Variants in SCN10A observed in about 807,000 individuals in gnomAD.
The protein encoded by SCN10A is sodium channel protein type 10 subunit alpha.
Under a neutral mutation model 170.7 loss-of-function variants are expected in SCN10A, and 162 were observed. The observed-to-expected ratio is 0.95, with a 90% CI of 0.84 to 1.08. The LOEUF (loss-of-function observed/expected upper bound fraction) is 1.08, where lower values mean the gene tolerates loss of function less well. Ranked by LOEUF, SCN10A falls within the 50% of genes least tolerant of loss-of-function variation. The probability of loss-of-function intolerance (pLI) is 0.00; values close to 1 mark genes in which losing one functional copy is unlikely to be tolerated. For missense variants in SCN10A, 2,527 were observed against 2,436.9 expected, an observed-to-expected ratio of 1.04 and a Z score of -0.78; for synonymous variants, 985 against 904.6, an observed-to-expected ratio of 1.09 and a Z score of -1.59.
rs749835090 is a variant in SCN10A at position 38,755,918 on chromosome 3, G to A, written c.1331C>T (p.Ser444Phe). The A allele has an allele frequency of 1.2e-6, 2 of 1,614,244 alleles. No homozygotes were observed. Among genetic ancestry groups the A allele is most frequent in the Admixed American group, 3.3e-5 (2 of 60,028 alleles). Residue 444 changes from serine to phenylalanine, a missense_variant, in exon 11 of 28, where the codon TCC becomes TTC. Transcript: ENST00000449082. Reference protein sequence around the residue: ...ALGIDTTSLHSHNGSPLTSKN... With the variant: ...ALGIDTTSLHFHNGSPLTSKN... ...GGAGGTTAAAGGTGATCCATTGTGG[G>A]AGTGGAGAGAGGTTGTGTCAATCCC...
intron 11 of SCN10A, among the ~76,000 whole-genome samples, chr3:38,753,427 CTTT>C (rs2063770462): frequency 6.6e-6 from 1 of 152,162 alleles, no homozygotes; most frequent in African/African-American, 2.4e-5. Context: ...TCCTTAACTC[CTTT>C]TTATTACTAA....
Position 38,781,596 on chromosome 3 carries a change from T to C in SCN10A, c.470+7360A>G, listed in dbSNP as rs563990413. 2.6e-5 allele frequency among the ~76,000 whole-genome samples: 4 copies of C among 152,238 alleles called. No homozygotes were observed. In the South Asian group the frequency reaches 8.3e-4, roughly 32 times the overall value. ...GAACAACTTTTTGCAGGTGAAACAC[T>C]TCCATAACCAGCGGGATGCAGAAAA... On this transcript the variant is annotated intron_variant, in intron 4 of 27. Transcript: ENST00000449082.
chr3:38,734,352 C>T (rs1575973690), intron 15 of SCN10A, among the ~76,000 whole-genome samples: 1 of 152,250 alleles, frequency 6.6e-6, no homozygotes, highest in South Asian at 2.1e-4. Context: ...ATGGCATAAT[C>T]TTGGAACCTT....
chr3:38,778,289 G>C (rs969304730), intron 4 of SCN10A, among the ~76,000 whole-genome samples: 1 of 151,874 alleles, frequency 6.6e-6, no homozygotes, highest in Non-Finnish European at 1.5e-5. Context: ...TTAGAGGTGA[G>C]TGTCCTAGGG....
intron 4 of SCN10A, among the ~76,000 whole-genome samples, chr3:38,784,068 T>G (rs2064169896): frequency 6.6e-6 from 1 of 152,124 alleles, no homozygotes; most frequent in East Asian, 1.9e-4. Flanking sequence ...TTTTTCTAAT[T>G]GATTTGTAGA....
chr3:38,739,914 C>G (rs1056165040), intron 14 of SCN10A, among the ~76,000 whole-genome samples: 1 of 152,124 alleles, frequency 6.6e-6, no homozygotes, highest in Non-Finnish European at 1.5e-5. Flanking sequence ...TGCAGTTTTT[C>G]CACGTGAATG....
chr3:38,724,807 A>C (rs1186694032), intron 18 of SCN10A, among the ~76,000 whole-genome samples: 1 of 152,202 alleles, frequency 6.6e-6, no homozygotes, highest in African/African-American at 2.4e-5. Flanking sequence ...GCAGCATCTC[A>C]TTTAAGCTTC....
intron 1 of SCN10A, among the ~76,000 whole-genome samples, chr3:38,806,476 A>T (rs1263337081): frequency 6.6e-6 from 1 of 152,158 alleles, no homozygotes; most frequent in African/African-American, 2.4e-5. Flanking sequence ...ATTTTAAAAA[A>T]CCAGAGAGAT....
chr3:38,706,033 G>C (rs1284899658), intron 26 of SCN10A, among the ~76,000 whole-genome samples: 1 of 152,138 alleles, frequency 6.6e-6, no homozygotes, highest in African/African-American at 2.4e-5. Flanking sequence ...TTGATTGTAT[G>C]GGTGATTTAG....
At chr3:38,724,952 C>G (rs1417731343) in intron 18 of SCN10A, among the ~76,000 whole-genome samples, 6 of 152,150 alleles carry the variant, frequency 3.9e-5, no homozygotes, top group African/African-American at 7.2e-5. Context: ...CTAGAACCAC[C>G]CTGGAGTGAG....
intron 15 of SCN10A, among the ~76,000 whole-genome samples, chr3:38,736,596 C>T (rs532677120): frequency 2.8e-4 from 43 of 152,064 alleles, no homozygotes; most frequent in Non-Finnish European, 4.4e-4. Context: ...TTAGACTCTC[C>T]GGTGAGGTTT....
At chr3:38,710,726 G>T in intron 24 of SCN10A, 118 bp downstream of exon 24, 1 of 932,654 alleles carries the variant, frequency 1.1e-6, no homozygotes, top group Non-Finnish European at 1.7e-6. Flanking sequence ...ACAGTGTGAG[G>T]TTGCTGGGTG....
chr3:38,796,744 A>G (rs1163334783), intron 1 of SCN10A, among the ~76,000 whole-genome samples: 1 of 151,962 alleles, frequency 6.6e-6, no homozygotes, highest in Non-Finnish European at 1.5e-5. Context: ...TCCATTTCTG[A>G]CCTATATGAA....
At chr3:38,710,943 A>G (rs957357702) in intron 23 of SCN10A, 46 bp from the exon 24 acceptor site, 2 of 1,546,134 alleles carry the variant, frequency 1.3e-6, no homozygotes, top group Admixed American at 1.7e-5. Flanking sequence ...CCATCCATCT[A>G]TACTGGACCC....
chr3:38,740,173 C>T (rs1575984117), intron 14 of SCN10A, among the ~76,000 whole-genome samples: 1 of 152,188 alleles, frequency 6.6e-6, no homozygotes, highest in South Asian at 2.1e-4. Flanking sequence ...CAGTTCTTAA[C>T]AAAGGGCCTG....
Position 38,728,528 on chromosome 3 carries a change from G to A in SCN10A, c.2640+14C>T. The A allele has an allele frequency of 6.4e-7, 1 of 1,557,334 alleles. No individual in the cohort carries two copies. Among genetic ancestry groups the A allele is most frequent in the South Asian group, 1.2e-5 (1 of 81,626 alleles). On this transcript the variant is annotated intron_variant, in intron 16 of 27. Coordinates refer to ENST00000449082, the MANE Select transcript of SCN10A (RefSeq NM_006514.4). ...CCCCAGGAGACAGTGCCCCCAGCAG[G>A]GTTCACCACTCACCACCAGGTTCCC...
Position 38,742,525 on chromosome 3 carries a change from G to A in SCN10A, c.1872C>T (p.Leu624=), listed in dbSNP as rs375858081. ...VSIITSVLEE[L]EESEQKCPPC... is the part of the protein sequence containing the mutation. ...GTGGGCACTTCTGTTCAGACTCCTCGAGTTCTGCATTATAGTGTGGTCAAT... is the reference window on the plus strand; with the variant it reads ...GTGGGCACTTCTGTTCAGACTCCTCAAGTTCTGCATTATAGTGTGGTCAAT... Residue 624 remains leucine (L), a synonymous_variant, in exon 14 of 28, where the codon CTC becomes CTT. Transcript: ENST00000449082. 41 of 1,613,374 alleles carry A rather than the reference G, an allele frequency of 2.5e-5. No individual in the cohort carries two copies. In the Middle Eastern group the frequency reaches 8.2e-4, roughly 32 times the overall value.
chr3:38,783,135 C>T (rs2126051473), intron 4 of SCN10A, among the ~76,000 whole-genome samples: 1 of 152,144 alleles, frequency 6.6e-6, no homozygotes, highest in South Asian at 2.1e-4. Flanking sequence ...TTCATTTAAC[C>T]CAATCACCTC....
intron 15 of SCN10A, among the ~76,000 whole-genome samples, chr3:38,736,963 G>GTTTTTTTTTTTTTTTGTTTT (rs2063568730): frequency 2.1e-5 from 1 of 46,664 alleles, no homozygotes; most frequent in African/African-American, 1.0e-4. Flanking sequence ...AGAAATGTTC[G>GTTTTTTTTTTTTTTTGTTTT]TTTTTTTTTT....
Sources: allele counts gnomAD v4.1 joint callset (sites outside exome capture counted in the v4.1 genomes callset), GRCh38; gene constraint gnomAD v4.1.1; transcripts MANE v1.5; gene names NCBI Gene and HGNC (gene_info 2026-07-23, HGNC 2026-07-21).